C1QTNF3: variants seen among roughly 807,000 people sequenced by gnomAD.
C1QTNF3 encodes complement C1q tumor necrosis factor-related protein 3.
Under a neutral mutation model 32.6 loss-of-function variants are expected in C1QTNF3, and 26 were observed. The ratio of observed to expected loss-of-function variants is 0.80; its 90% CI spans 0.58 to 1.11. The LOEUF (loss-of-function observed/expected upper bound fraction) is 1.11. C1QTNF3 is among the 50% of genes least tolerant of loss of function. The probability of loss-of-function intolerance (pLI) is 0.00; values close to 1 mark genes in which losing one functional copy is unlikely to be tolerated. For synonymous variants in C1QTNF3, 155 were observed against 146.0 expected (o/e 1.06, Z -0.44); for missense variants, 362 against 398.2 (o/e 0.91, Z 0.77).
the C1QTNF3 span, among the ~76,000 whole-genome samples, chr5:34,117,457 A>G: frequency 6.6e-6 from 1 of 151,984 alleles, no homozygotes; most frequent in African/African-American, 2.4e-5. Context: ...ACCCCAACAA[A>G]CATTATTAGT....
chr5:34,055,583 T>A, the C1QTNF3 span, among the ~76,000 whole-genome samples: 1 of 152,244 alleles, frequency 6.6e-6, no homozygotes, highest in East Asian at 1.9e-4. Flanking sequence ...GGTTCAGGCA[T>A]GGGAGGGAGA....
At chr5:34,217,923 T>G in the C1QTNF3 span, among the ~76,000 whole-genome samples, 1 of 152,038 alleles carries the variant, frequency 6.6e-6, no homozygotes, top group Non-Finnish European at 1.5e-5. Flanking sequence ...TGACCAAATG[T>G]ATAAAAGAAA....
At chr5:34,123,321 C>T in the C1QTNF3 span, among the ~76,000 whole-genome samples, 2 of 152,130 alleles carry the variant, frequency 1.3e-5, no homozygotes, top group Non-Finnish European at 2.9e-5. Flanking sequence ...TTGATCTGGG[C>T]CTGTGTGTAT....
the C1QTNF3 span, among the ~76,000 whole-genome samples, chr5:34,063,505 G>A: frequency 6.6e-6 from 1 of 151,828 alleles, no homozygotes; most frequent in East Asian, 1.9e-4. Context: ...CCAAGGCTTG[G>A]AGATTGTACT....
At chr5:34,062,562 G>A in the C1QTNF3 span, among the ~76,000 whole-genome samples, 3 of 152,126 alleles carry the variant, frequency 2.0e-5, no homozygotes, top group Non-Finnish European at 2.9e-5. Flanking sequence ...CAGCTCACAC[G>A]TTTGAGCAAA....
the C1QTNF3 span, among the ~76,000 whole-genome samples, chr5:34,067,372 C>T: frequency 3.3e-5 from 5 of 152,180 alleles, no homozygotes; most frequent in Non-Finnish European, 7.4e-5. Context: ...TCTCACACTG[C>T]TGATAAAGAC....
the C1QTNF3 span, among the ~76,000 whole-genome samples, chr5:34,209,279 T>A: frequency 7.9e-5 from 12 of 151,952 alleles, no homozygotes; most frequent in South Asian, 6.2e-4. Flanking sequence ...TGCAGCTGAA[T>A]AATTTGGATA....
At chr5:34,168,788 C>CTAAAATA in the C1QTNF3 span, 3 of 152,272 alleles carry the variant, frequency 2.0e-5, no homozygotes, top group Admixed American at 6.5e-5. Context: ...TTATTTTATA[C>CTAAAATA]TAAAGTAAAA....
the C1QTNF3 span, among the ~76,000 whole-genome samples, chr5:34,231,767 A>G: frequency 6.6e-6 from 1 of 151,296 alleles, no homozygotes; most frequent in Non-Finnish European, 1.5e-5. Context: ...AGTCTGCTGC[A>G]GAAGTGGAGC....
the C1QTNF3 span, among the ~76,000 whole-genome samples, chr5:34,076,764 A>G: frequency 2.6e-5 from 4 of 151,656 alleles, no homozygotes; most frequent in Admixed American, 2.6e-4. Context: ...TAAAGTTGCT[A>G]TCAACTATGA....
At chr5:34,215,343 A>G in the C1QTNF3 span, among the ~76,000 whole-genome samples, 2 of 152,118 alleles carry the variant, frequency 1.3e-5, no homozygotes, top group African/African-American at 4.8e-5. Context: ...ACAATTTGGA[A>G]AAACTTTGAT....
the C1QTNF3 span, among the ~76,000 whole-genome samples, chr5:34,109,640 T>C: frequency 6.6e-6 from 1 of 152,120 alleles, no homozygotes; most frequent in African/African-American, 2.4e-5. Flanking sequence ...GTTGTTTTCA[T>C]AAGATAGACA....
the C1QTNF3 span, among the ~76,000 whole-genome samples, chr5:34,073,297 A>G: frequency 5.7e-3 from 860 of 151,970 alleles, 11 homozygotes; most frequent in African/African-American, 0.02. Flanking sequence ...ACTGCACTCA[A>G]GCCTGGGCGA....
chr5:34,223,709 A>G, the C1QTNF3 span, among the ~76,000 whole-genome samples: 1 of 152,080 alleles, frequency 6.6e-6, no homozygotes, highest in Non-Finnish European at 1.5e-5. Flanking sequence ...AATGATTGCC[A>G]TTCTAACTGG....
the C1QTNF3 span, among the ~76,000 whole-genome samples, chr5:34,091,151 C>T: frequency 6.6e-6 from 1 of 152,140 alleles, no homozygotes; most frequent in East Asian, 1.9e-4. Context: ...TGGAAATGAC[C>T]TACCCCGCTT....
At chr5:34,058,826 G>A in the C1QTNF3 span, among the ~76,000 whole-genome samples, 2 of 152,248 alleles carry the variant, frequency 1.3e-5, no homozygotes, top group African/African-American at 4.8e-5. Context: ...TGTCTATTTC[G>A]ATCAGTAAAT....
chr5:34,182,474 CAAATAAATAAATAAATAAAT>C, the C1QTNF3 span, among the ~76,000 whole-genome samples: 32 of 143,340 alleles, frequency 2.2e-4, no homozygotes, highest in African/African-American at 7.9e-4. Context: ...GAGACCATCA[CAAATAAATAAATAAATAAAT>C]AAATAAATAA....
At chr5:34,199,468 AC>A in the C1QTNF3 span, among the ~76,000 whole-genome samples, 1 of 151,216 alleles carries the variant, frequency 6.6e-6, no homozygotes, top group Non-Finnish European at 1.5e-5. Flanking sequence ...GACAGATATA[AC>A]CAGTTCTCTA....
upstream of C1QTNF3, chr5:34,043,392 C>A (rs1754923787): frequency 2.1e-6 from 1 of 468,558 alleles, no homozygotes; most frequent in Non-Finnish European, 3.8e-6. Context: ...TCATAAATGT[C>A]ACACCTTGGC....
Sources: allele counts gnomAD v4.1 joint callset (sites outside exome capture counted in the v4.1 genomes callset), GRCh38; gene constraint gnomAD v4.1.1; transcripts MANE v1.5; gene names NCBI Gene and HGNC (gene_info 2026-07-23, HGNC 2026-07-21).